Variants in ZNF468 observed in about 807,000 individuals in gnomAD.
ZNF468 encodes zinc finger protein ZNF468.
In ZNF468, 8 loss-of-function variants were observed where a neutral mutation model predicts 7.2. The ratio of observed to expected loss-of-function variants is 1.11; its 90% CI spans 0.65 to 2.01. The LOEUF (loss-of-function observed/expected upper bound fraction) is 2.01. ZNF468 is among the 30% of genes most tolerant of loss of function. ZNF468 has a pLI of 0.00. For synonymous variants in ZNF468, 218 were observed against 214.4 expected (o/e 1.02, Z -0.15); for missense variants, 608 against 626.5 (o/e 0.97, Z 0.31).
At chr19:52,853,135 G>A (rs559076591) in intron 2 of ZNF468, among the ~76,000 whole-genome samples, 67 of 152,218 alleles carry the variant, frequency 4.4e-4, no homozygotes, top group African/African-American at 1.6e-3. Context: ...GATTACAGGT[G>A]TGAGCCACCG....
At chr19:52,849,281 G>A (rs1353969302) in intron 2 of ZNF468, 68 bp from the exon 3 acceptor site, 43 of 1,608,096 alleles carry the variant, frequency 2.7e-5, no homozygotes, top group Non-Finnish European at 3.6e-5. Flanking sequence ...AAAATGAGAG[G>A]AGGAGAGAGG....
intron 3 of ZNF468, among the ~76,000 whole-genome samples, chr19:52,844,592 G>A (rs1354939926): frequency 3.9e-5 from 6 of 152,100 alleles, no homozygotes; most frequent in Admixed American, 3.9e-4. Context: ...AGTCTGGAGT[G>A]CAGTGGCATG....
intron 2 of ZNF468, among the ~76,000 whole-genome samples, chr19:52,852,806 AG>A (rs1411184026): frequency 2.4e-4 from 36 of 152,174 alleles, no homozygotes; most frequent in African/African-American, 7.2e-4. Flanking sequence ...CTTCACACAT[AG>A]CCCCAAAAGT....
chr19:52,854,430 C>T, intron 1 of ZNF468, 85 bp from the exon 2 acceptor site: 1 of 1,369,454 alleles, frequency 7.3e-7, no homozygotes, highest in Non-Finnish European at 9.9e-7. Context: ...GGAGACCTCA[C>T]CCTGGGAAAT....
Position 52,855,153 on chromosome 19 carries a change from C to T in ZNF468, c.-73-808G>A, listed in dbSNP as rs565223617. On this transcript the variant is annotated intron_variant, in intron 1 of 3. Coordinates refer to ENST00000595646, the MANE Select transcript of ZNF468 (RefSeq NM_001008801.2). ...AGATCACAAGACTGCACTCACAGCC[C>T]GGAGGACAGAGTGAGAGTCTGTTTG... Among the ~76,000 whole-genome samples the T allele has an allele frequency of 5.0e-3, 755 of 149,550 alleles. 6 individuals are homozygous for T. Among genetic ancestry groups the T allele is most frequent in the African/African-American group, 0.017 (684 of 40,644 alleles).
chr19:52,855,170 G>A (rs1393110908), intron 1 of ZNF468, among the ~76,000 whole-genome samples: 1 of 141,822 alleles, frequency 7.1e-6, no homozygotes, highest in Admixed American at 6.9e-5. Context: ...CAGAGTGAGA[G>A]TCTGTTTGAA....
intron 2 of ZNF468, 117 bp downstream of exon 2, chr19:52,854,141 A>G (rs768990758): frequency 3.1e-6 from 5 of 1,596,738 alleles, no homozygotes; most frequent in South Asian, 2.2e-5. Context: ...AGGAAGGCAT[A>G]AGTGAGGGTG....
chr19:52,849,273 A>C (rs1480703257), intron 2 of ZNF468, 60 bp from the exon 3 acceptor site: 5 of 1,610,508 alleles, frequency 3.1e-6, no homozygotes, highest in Non-Finnish European at 4.2e-6. Flanking sequence ...CTTTACAAAA[A>C]ATGAGAGGAG....
rs2063263771 is a variant in ZNF468, at chr19:52,838,054, CAT to C, written c.*2669_*2670del. The C allele has an allele frequency of 6.6e-6, 1 of 152,122 alleles. No homozygotes were observed. Among genetic ancestry groups the C allele is most frequent in the African/African-American group, 2.4e-5 (1 of 41,414 alleles). The allele number at this position is 152,122 out of a possible 1,614,324, so 9.4% of individuals were successfully genotyped here. On this transcript the variant is annotated 3_prime_UTR_variant, in exon 4 of 4. Transcript: ENST00000595646. ...GTTTATTTTGGTGCAGAAAATGTGA[CAT>C]CATGTGCAATTTTCACATAATATGT...
In ZNF468 at chr19:52,840,837, C is replaced by T. The variant is rs373278173; in HGVS notation, c.1457G>A (p.Arg486His). The change falls in exon 4 of 4, where the codon CGT becomes CAT. Residue 486 changes from arginine to histidine, a missense_variant. By Grantham distance (29) the Arg-to-His change is conservative. Transcript: ENST00000595646. ...FGQTSSLIIH[R>H]RLHTGEKPYK... ...AGGTTTCTCTCCAGTATGAAGCCTA[C>T]GATGGATTATAAGCGATGATGTCTG... 3.7e-5 allele frequency: 59 copies of T among 1,594,156 alleles called. No individual in the cohort carries two copies. The highest frequency in any genetic ancestry group is 2.2e-4 in the African/African-American group (16 of 72,452).
chr19:52,838,154 A>T lies in ZNF468; in HGVS notation c.*2571T>A, dbSNP rs549222892. The T allele has an allele frequency of 9.9e-4, 151 of 152,290 alleles. No homozygotes were observed. Among genetic ancestry groups the T allele is most frequent in the African/African-American group, 3.4e-3 (141 of 41,546 alleles). 9.4% of individuals were successfully genotyped at this position (152,290 alleles called of 1,614,324 possible). A position where few individuals can be genotyped will look rare whatever the true frequency, so the allele number is the denominator to read the frequency against. Reference sequence around the variant, plus strand: ...TTCAAGAGGATATTAAAAGGATTGTAGATATGCAAGTGCCACTTATTTCTG... The same window carrying T: ...TTCAAGAGGATATTAAAAGGATTGTTGATATGCAAGTGCCACTTATTTCTG... On this transcript the variant is annotated 3_prime_UTR_variant, in exon 4 of 4. Coordinates refer to ENST00000595646, the MANE Select transcript of ZNF468 (RefSeq NM_001008801.2).
intron 1 of ZNF468, among the ~76,000 whole-genome samples, chr19:52,856,488 C>T (rs1198224037): frequency 1.8e-4 from 20 of 109,428 alleles, no homozygotes; most frequent in African/African-American, 6.0e-4. Context: ...TGCGCCTCCT[C>T]TGCTCTCCCT....
chr19:52,850,617 G>A (rs2063379475), intron 2 of ZNF468, among the ~76,000 whole-genome samples: 1 of 150,440 alleles, frequency 6.6e-6, no homozygotes, highest in South Asian at 2.1e-4. Flanking sequence ...TAACTATTAT[G>A]GGCCGGGCGC....
chr19:52,842,165 A>T lies in ZNF468; in HGVS notation c.143-14T>A. On this transcript the variant is annotated splice_polypyrimidine_tract_variant and intron_variant, in intron 3 of 3. Transcript: ENST00000595646. ...TGGAAGAGATATCTACAAAATTTAA[A>T]CACCAATAGGTTTCCAATTAAGTAC... 1 of 1,568,218 alleles carries T rather than the reference A, an allele frequency of 6.4e-7. No homozygotes were observed. The highest frequency in any genetic ancestry group is 8.6e-7 in the Non-Finnish European group (1 of 1,156,524).
At chr19:52,847,347 A>G (rs922874337) in intron 3 of ZNF468, among the ~76,000 whole-genome samples, 1 of 151,476 alleles carries the variant, frequency 6.6e-6, no homozygotes, top group Non-Finnish European at 1.5e-5. Context: ...GCACTGCGGA[A>G]AGCCGCAGGG....
intron 2 of ZNF468, among the ~76,000 whole-genome samples, chr19:52,853,047 G>A (rs1457168476): frequency 1.3e-5 from 2 of 151,770 alleles, no homozygotes; most frequent in African/African-American, 4.8e-5. Context: ...AATAGAGACA[G>A]GGTTTCACCA....
Position 52,840,792 on chromosome 19 carries a change from C to T in ZNF468, c.1502G>A (p.Gly501Asp), listed in dbSNP as rs1568673025. ...GEKPYKCNEC[G>D]KTFSQMSSLV... is the part of the protein sequence containing the mutation. ...GGATGACATCTGACTGAAGGTCTTGCCACACTCATTACACTTGTAAGGTTT... is the reference window on the plus strand; with the variant it reads ...GGATGACATCTGACTGAAGGTCTTGTCACACTCATTACACTTGTAAGGTTT... The change falls in exon 4 of 4, where the codon GGC becomes GAC. Residue 501 changes from glycine to aspartate, a missense_variant. By Grantham distance (94) the Gly-to-Asp change is moderately conservative. Transcript: ENST00000595646. The T allele has an allele frequency of 1.2e-6, 2 of 1,608,882 alleles. No homozygotes were observed. The highest frequency in any genetic ancestry group is 8.5e-7 in the Non-Finnish European group (1 of 1,177,774).
chr19:52,844,322 C>A (rs1395475870), intron 3 of ZNF468, among the ~76,000 whole-genome samples: 1 of 152,096 alleles, frequency 6.6e-6, no homozygotes, highest in Non-Finnish European at 1.5e-5. Flanking sequence ...TAGGACACAG[C>A]AGGAAGATGG....
intron 3 of ZNF468, among the ~76,000 whole-genome samples, chr19:52,844,875 G>A (rs1197290261): frequency 6.6e-6 from 1 of 152,118 alleles, no homozygotes; most frequent in Non-Finnish European, 1.5e-5. Context: ...TGAAATGACA[G>A]AGACAGGAAC....
Sources: gnomAD v4.1 joint callset for allele counts (sites outside exome capture counted in the v4.1 genomes callset) on GRCh38, gnomAD v4.1.1 for gene constraint, MANE v1.5 for transcripts, NCBI Gene and HGNC (gene_info 2026-07-23, HGNC 2026-07-21) for gene names.